Variants in COL5A2 observed in about 807,000 individuals in gnomAD.
The protein encoded by COL5A2 is collagen type V alpha 2 chain.
COL5A2 carries 23 observed loss-of-function variants against 208.2 expected under a neutral mutation model. The ratio of observed to expected loss-of-function variants is 0.11; its 90% CI spans 0.08 to 0.16. The LOEUF is 0.16. Ranked by LOEUF, COL5A2 falls within the 10% of genes least tolerant of loss-of-function variation. The pLI, the probability that COL5A2 is intolerant of heterozygous loss-of-function variation, is 1.00. For synonymous variants in COL5A2, 625 were observed against 628.5 expected, an observed-to-expected ratio of 0.99 and a Z score of 0.08; for missense variants, 1,590 against 1,956.4, an observed-to-expected ratio of 0.81 and a Z score of 3.53.
At chr2:189,172,968 C>CTTTTTT (rs11286911) in intron 1 of COL5A2, among the ~76,000 whole-genome samples, 16 of 96,488 alleles carry the variant, frequency 1.7e-4, no homozygotes, top group East Asian at 3.2e-4. Context: ...TTTTCCTCTT[C>CTTTTTT]TTTTTTTTTT....
At chr2:189,216,881 C>T (rs910800163) in intron 1 of COL5A2, among the ~76,000 whole-genome samples, 2 of 151,916 alleles carry the variant, frequency 1.3e-5, no homozygotes, top group Non-Finnish European at 1.5e-5. Context: ...CCTAAATTTG[C>T]TGGAGGGGAA....
At chr2:189,061,720 A>G in intron 29 of COL5A2, 105 bp from the exon 30 acceptor site, 1 of 887,398 alleles carries the variant, frequency 1.1e-6, no homozygotes, top group East Asian at 2.6e-5. Context: ...ATTTCTTCCA[A>G]TCACATGTTT....
intron 1 of COL5A2, among the ~76,000 whole-genome samples, chr2:189,175,761 C>T (rs1054634861): frequency 1.2e-4 from 19 of 152,008 alleles, no homozygotes; most frequent in Admixed American, 6.5e-5. Flanking sequence ...CCATATTGGC[C>T]GGGCTGGTCT....
At chr2:189,243,586 G>A in the COL5A2 span, among the ~76,000 whole-genome samples, 5 of 152,162 alleles carry the variant, frequency 3.3e-5, no homozygotes, top group South Asian at 6.2e-4. Flanking sequence ...CAACACATGG[G>A]AATTCAAGAT....
the COL5A2 span, among the ~76,000 whole-genome samples, chr2:189,234,830 C>T: frequency 1.4e-4 from 21 of 151,688 alleles, 1 homozygote; most frequent in African/African-American, 4.8e-4. Context: ...ATGGCATGAT[C>T]TATATTAGTG....
intron 52 of COL5A2, among the ~76,000 whole-genome samples, chr2:189,036,370 T>A (rs1169845065): frequency 6.6e-6 from 1 of 152,126 alleles, no homozygotes; most frequent in Non-Finnish European, 1.5e-5. Flanking sequence ...ACAGTAAAAA[T>A]AATTACTTTT....
chr2:189,344,438 G>A, the COL5A2 span, among the ~76,000 whole-genome samples: 1 of 152,052 alleles, frequency 6.6e-6, no homozygotes, highest in Non-Finnish European at 1.5e-5. Flanking sequence ...CCACTTTCCT[G>A]TTCAATAGCA....
In COL5A2 at chr2:189,051,457, G is replaced by C. The variant is rs754843803; in HGVS notation, c.2794C>G (p.Leu932Val). The part of the protein sequence containing the change: ...PAGAPGPAGP[L>V]GEPGKEGPPG... ...GGTCCCTCCTTCCCGGGTTCCCCTAGGGGTCCCGCAGGTCCTGGAGCTCCC... is the reference window on the plus strand; with the variant it reads ...GGTCCCTCCTTCCCGGGTTCCCCTACGGGTCCCGCAGGTCCTGGAGCTCCC... Residue 932 changes from leucine (L) to valine (V), a missense_variant, in exon 42 of 54, where the codon CTA (leucine) becomes GTA (valine). By Grantham distance (32) the Leu-to-Val change is conservative (BLOSUM62 1). Coordinates refer to ENST00000374866, the MANE Select transcript of COL5A2 (RefSeq NM_000393.5). The C allele has an allele frequency of 6.2e-7, 1 of 1,611,200 alleles. No homozygotes were observed. The highest frequency in any genetic ancestry group is 1.1e-5 in the South Asian group (1 of 90,774).
At chr2:189,189,037 G>GT (rs1327758611) in intron 1 of COL5A2, among the ~76,000 whole-genome samples, 2 of 152,064 alleles carry the variant, frequency 1.3e-5, no homozygotes, top group Non-Finnish European at 2.9e-5. Context: ...GAAGAAAGGA[G>GT]TTTTTTTATA....
chr2:189,298,416 C>T, the COL5A2 span, among the ~76,000 whole-genome samples: 5 of 152,144 alleles, frequency 3.3e-5, no homozygotes, highest in Admixed American at 3.3e-4. Flanking sequence ...TCTCCAATTC[C>T]ATCTCCCTCC....
chr2:189,389,966 A>G, the COL5A2 span, among the ~76,000 whole-genome samples: 1 of 152,160 alleles, frequency 6.6e-6, no homozygotes, highest in African/African-American at 2.4e-5. Context: ...TGAAACCTGG[A>G]AACACTGTGA....
chr2:189,128,874 G>C (rs1687658409), intron 1 of COL5A2, among the ~76,000 whole-genome samples: 1 of 151,844 alleles, frequency 6.6e-6, no homozygotes, highest in Non-Finnish European at 1.5e-5. Context: ...TGCGTCCTTA[G>C]GAAAGTTTAT....
the COL5A2 span, among the ~76,000 whole-genome samples, chr2:189,310,681 C>T: frequency 6.6e-6 from 1 of 151,444 alleles, no homozygotes; most frequent in Non-Finnish European, 1.5e-5. Flanking sequence ...AAGTGACTAT[C>T]AATAGATGAA....
chr2:189,034,343 G>A (rs1034532348), intron 53 of COL5A2, 127 bp from the exon 54 acceptor site: 132 of 972,246 alleles, frequency 1.4e-4, no homozygotes, highest in Non-Finnish European at 1.3e-4. Context: ...TAAAAAAAAG[G>A]AATGAAAACA....
chr2:189,122,038 G>A (rs1687512777), intron 1 of COL5A2, among the ~76,000 whole-genome samples: 1 of 152,048 alleles, frequency 6.6e-6, no homozygotes, highest in Non-Finnish European at 1.5e-5. Flanking sequence ...ATATACCATG[G>A]AAGAAAGATA....
At chr2:189,220,900 T>G (rs550808267) in intron 1 of COL5A2, among the ~76,000 whole-genome samples, 1 of 152,276 alleles carries the variant, frequency 6.6e-6, no homozygotes, top group Non-Finnish European at 1.5e-5. Flanking sequence ...ATTTTTTAGT[T>G]TCAGTGCTTA....
At chr2:189,141,072 G>A (rs1188319242) in intron 1 of COL5A2, among the ~76,000 whole-genome samples, 1 of 152,036 alleles carries the variant, frequency 6.6e-6, no homozygotes, top group Non-Finnish European at 1.5e-5. Flanking sequence ...CCTTTTAATA[G>A]AGATGTGCTT....
the COL5A2 span, among the ~76,000 whole-genome samples, chr2:189,279,864 C>A: frequency 6.6e-6 from 1 of 152,140 alleles, no homozygotes; most frequent in Admixed American, 6.6e-5. Flanking sequence ...AACTGAATAT[C>A]TGTGCCCCCT....
At chr2:189,287,884 A>T in the COL5A2 span, among the ~76,000 whole-genome samples, 2 of 152,190 alleles carry the variant, frequency 1.3e-5, no homozygotes, top group Non-Finnish European at 2.9e-5. Context: ...TCTGAATGTT[A>T]AATGTAATAT....
Sources: allele counts gnomAD v4.1 joint callset (sites outside exome capture counted in the v4.1 genomes callset), GRCh38; gene constraint gnomAD v4.1.1; transcripts MANE v1.5; gene names NCBI Gene and HGNC (gene_info 2026-07-23, HGNC 2026-07-21).